CSDC2: variants seen among roughly 807,000 people sequenced by gnomAD.
The protein encoded by CSDC2 is cold shock domain containing C2, also known as cold shock domain-containing protein C2.
In CSDC2, 8 loss-of-function variants were observed where a neutral mutation model predicts 15.8. That is an observed-to-expected ratio of 0.51 (90% CI 0.30 to 0.92). The LOEUF (loss-of-function observed/expected upper bound fraction) is 0.92. Among genes scored for constraint, CSDC2 ranks in the 40% least tolerant of loss-of-function variants. The pLI, the probability that CSDC2 is intolerant of heterozygous loss-of-function variation, is 0.07. For missense variants in CSDC2, 195 were observed against 213.3 expected, an observed-to-expected ratio of 0.91 and a Z score of 0.53; for synonymous variants, 96 against 92.3, an observed-to-expected ratio of 1.04 and a Z score of -0.23.
intron 1 of CSDC2, among the ~76,000 whole-genome samples, chr22:41,570,752 G>A (rs180879048): frequency 4.0e-5 from 6 of 149,072 alleles, no homozygotes; most frequent in African/African-American, 1.5e-4. Context: ...AACCTGGGAG[G>A]CAGAAGTGAC....
rs759066632 is a variant in CSDC2, at chr22:41,573,638, C to T, written c.177-17C>T. The stretch of plus-strand genomic sequence containing the variant: ...GTTCCTCAGGCCACAGCTCCAATCC[C>T]ACTACCCTATCTCCAGGACAGCCCG... On this transcript the variant is annotated splice_polypyrimidine_tract_variant and intron_variant, in intron 2 of 3. Transcript: ENST00000306149. 6.2e-7 allele frequency: 1 copy of T among 1,605,880 alleles called. No individual in the cohort carries two copies. The highest frequency in any genetic ancestry group is 1.7e-5 in the Admixed American group (1 of 59,244).
chr22:41,568,875 C>T (rs950019062), intron 1 of CSDC2, among the ~76,000 whole-genome samples: 1 of 152,244 alleles, frequency 6.6e-6, no homozygotes, highest in African/African-American at 2.4e-5. Flanking sequence ...TCCCTGCAGC[C>T]CACTTAGCAT....
intron 1 of CSDC2, 39 bp from the exon 2 acceptor site, chr22:41,571,804 T>A: frequency 7.4e-6 from 3 of 406,592 alleles, no homozygotes; most frequent in East Asian, 3.8e-5. Context: ...GCTGCTCCCC[T>A]GGACTAGGCT....
intron 1 of CSDC2, among the ~76,000 whole-genome samples, chr22:41,563,000 G>T (rs958737184): frequency 6.6e-6 from 1 of 152,036 alleles, no homozygotes; most frequent in Non-Finnish European, 1.5e-5. Context: ...ACTGGGGTGC[G>T]TATTTGGCTC....
intron 3 of CSDC2, 115 bp from the exon 4 acceptor site, chr22:41,574,618 C>T (rs2067165650): frequency 7.8e-7 from 1 of 1,273,990 alleles, no homozygotes; most frequent in Admixed American, 2.6e-5. Flanking sequence ...CAAGGCCTGG[C>T]CAGGCCTCCT....
At position 41,569,492 on chromosome 22, in the gene CSDC2, C is replaced by T. The variant is rs538797356; in HGVS notation, c.-123-2351C>T. Among the ~76,000 whole-genome samples the T allele has an allele frequency of 2.6e-3, 394 of 152,302 alleles. 2 individuals carry two copies. Among genetic ancestry groups the T allele is most frequent in the Non-Finnish European group, 4.5e-3 (308 of 68,022 alleles). On this transcript the variant is annotated intron_variant, in intron 1 of 3. Transcript: ENST00000306149. ...ACTCCCTGTCTATGAGGATTTGCCT[C>T]AGAGATGGAATCATGCCCTCTGTGT...
intron 1 of CSDC2, among the ~76,000 whole-genome samples, chr22:41,566,512 A>C (rs1161897778): frequency 6.7e-6 from 1 of 148,484 alleles, no homozygotes; most frequent in Non-Finnish European, 1.5e-5. Context: ...CTGTAATCCC[A>C]GCCAGCTACT....
chr22:41,573,633 A>C (rs2145602222), intron 2 of CSDC2, 22 bp from the exon 3 acceptor site: 1 of 1,600,790 alleles, frequency 6.2e-7, no homozygotes, highest in Admixed American at 1.7e-5. Flanking sequence ...CCACAGCTCC[A>C]ATCCCACTAC....
intron 1 of CSDC2, among the ~76,000 whole-genome samples, chr22:41,564,018 A>G (rs1322531620): frequency 1.3e-5 from 2 of 149,182 alleles, no homozygotes; most frequent in Non-Finnish European, 3.0e-5. Flanking sequence ...TGGGAGGCGG[A>G]GCTTGCAGTG....
At chr22:41,564,101 AAG>A (rs958971088) in intron 1 of CSDC2, among the ~76,000 whole-genome samples, 4 of 139,464 alleles carry the variant, frequency 2.9e-5, no homozygotes, top group African/African-American at 1.1e-4. Flanking sequence ...AAAAAAAAAA[AAG>A]AAGAAGAAGA....
In CSDC2 at chr22:41,575,190, G is replaced by T; in HGVS notation, c.*295G>T. ...TCCCTGCCGCAGACACGCAGGACCC[G>T]CTCGCCCTCCTGCTTACCCGTCCCC... On this transcript the variant is annotated 3_prime_UTR_variant, in exon 4 of 4. Transcript: ENST00000306149. The T allele has an allele frequency of 2.1e-6, 1 of 468,602 alleles. No homozygotes were observed. The allele number at this position is 468,602 out of a possible 1,614,324, so 29.0% of individuals were successfully genotyped here.
chr22:41,561,696 G>A (rs545672274), intron 1 of CSDC2, among the ~76,000 whole-genome samples: 3 of 152,272 alleles, frequency 2.0e-5, no homozygotes, highest in Non-Finnish European at 1.5e-5. Context: ...AGTGTGATGG[G>A]GATAATTGTG....
intron 1 of CSDC2, among the ~76,000 whole-genome samples, chr22:41,562,531 C>T (rs542285912): frequency 1.4e-4 from 21 of 151,984 alleles, no homozygotes; most frequent in Non-Finnish European, 2.6e-4. Flanking sequence ...GCAATGTTCA[C>T]GGATGCGCAG....
chr22:41,572,083 GT>G lies in CSDC2; in HGVS notation c.119del (p.Val40AlafsTer74). The G allele has an allele frequency of 1.5e-6, 2 of 1,361,600 alleles. No individual in the cohort carries two copies. The highest frequency in any genetic ancestry group is 1.9e-6 in the Non-Finnish European group (2 of 1,053,008). The allele number at this position is 1,361,600 out of a possible 1,614,324, so 84.3% of individuals were successfully genotyped here. On this transcript the variant is annotated frameshift_variant, in exon 2 of 4. Coordinates refer to ENST00000306149, the MANE Select transcript of CSDC2 (RefSeq NM_014460.4). LOFTEE classifies it high-confidence loss of function. ...EGSRVWERGG[V>X]PPRDLPSPLP... is the part of the protein sequence containing the mutation. ...CAGCAGGGTCTGGGAGCGGGGTGGT[GT>G]CCCACCTCGGGACCTACCCAGCCCT...
Position 41,573,786 on chromosome 22 carries a change from C to T in CSDC2, c.299+9C>T. On this transcript the variant is annotated intron_variant, in intron 3 of 3. Transcript: ENST00000306149. The stretch of plus-strand genomic sequence containing the variant: ...TTCGTACATGTGTCTGAGTGAGTCC[C>T]CTCCACCTCCCTGTTCTTGGCCCCT... The T allele has an allele frequency of 6.2e-7, 1 of 1,608,550 alleles. No homozygotes were observed. The highest frequency in any genetic ancestry group is 8.5e-7 in the Non-Finnish European group (1 of 1,176,296).
chr22:41,570,744 C>A (rs1326821891), intron 1 of CSDC2, among the ~76,000 whole-genome samples: 1 of 150,580 alleles, frequency 6.6e-6, no homozygotes, highest in East Asian at 2.0e-4. Flanking sequence ...ATCACTTGAA[C>A]CTGGGAGGCA....
chr22:41,568,109 G>A (rs1309094479), intron 1 of CSDC2, among the ~76,000 whole-genome samples: 1 of 140,778 alleles, frequency 7.1e-6, no homozygotes, highest in Non-Finnish European at 1.5e-5. Context: ...TTGGAGGAGA[G>A]AGTCTTTTTT....
chr22:41,563,932 A>C (rs1178958898), intron 1 of CSDC2, among the ~76,000 whole-genome samples: 1 of 151,270 alleles, frequency 6.6e-6, no homozygotes, highest in Non-Finnish European at 1.5e-5. Flanking sequence ...AAAAAAAGAA[A>C]AATTAACCGA....
chr22:41,565,221 G>A (rs1398190197), intron 1 of CSDC2, among the ~76,000 whole-genome samples: 1 of 151,626 alleles, frequency 6.6e-6, no homozygotes, highest in Non-Finnish European at 1.5e-5. Flanking sequence ...GGAGGCTGAG[G>A]CAGGTGGATC....
Sources: allele counts gnomAD v4.1 joint callset (sites outside exome capture counted in the v4.1 genomes callset), GRCh38; gene constraint gnomAD v4.1.1; transcripts MANE v1.5; gene names NCBI Gene and HGNC (gene_info 2026-07-23, HGNC 2026-07-21).